The following MARCHF3 variants were observed in gnomAD, a reference collection of about 807,000 sequenced individuals.
MARCHF3 encodes the protein E3 ubiquitin-protein ligase MARCHF3.
MARCHF3 carries 13 observed loss-of-function variants against 24.2 expected under a neutral mutation model. That is an observed-to-expected ratio of 0.54 (90% CI 0.35 to 0.85). The LOEUF (loss-of-function observed/expected upper bound fraction) is 0.85. MARCHF3 is among the 40% of genes least tolerant of loss of function. The pLI, the probability that MARCHF3 is intolerant of heterozygous loss-of-function variation, is 0.01. For missense variants in MARCHF3, 276 were observed against 325.0 expected (o/e 0.85, Z 1.16); for synonymous variants, 144 against 137.3 (o/e 1.05, Z -0.34).
chr5:126,976,515 G>A (rs1472117043), intron 1 of MARCHF3, among the ~76,000 whole-genome samples: 14 of 151,268 alleles, frequency 9.3e-5, no homozygotes, highest in Admixed American at 9.2e-4. Context: ...CTCAGCCCCT[G>A]TGTGGTTTCC....
intron 1 of MARCHF3, among the ~76,000 whole-genome samples, chr5:126,927,506 G>A (rs1298042792): frequency 1.3e-5 from 2 of 152,220 alleles, no homozygotes; most frequent in Admixed American, 6.5e-5. Context: ...GCTGGGACCT[G>A]CCTGCCTGTA....
chr5:126,994,506 A>G (rs1370597396), intron 1 of MARCHF3, among the ~76,000 whole-genome samples: 1 of 152,206 alleles, frequency 6.6e-6, no homozygotes, highest in Non-Finnish European at 1.5e-5. Flanking sequence ...ATTTTACGGC[A>G]TGTCAGTTCT....
chr5:127,000,792 G>A (rs1351908200), intron 1 of MARCHF3, among the ~76,000 whole-genome samples: 5 of 151,830 alleles, frequency 3.3e-5, no homozygotes, highest in African/African-American at 7.3e-5. Context: ...TCCACCTCCC[G>A]AGTAGCTGGG....
At chr5:127,014,748 A>G (rs981673922) in intron 1 of MARCHF3, among the ~76,000 whole-genome samples, 2 of 152,154 alleles carry the variant, frequency 1.3e-5, no homozygotes, top group Admixed American at 6.6e-5. Context: ...AACAGAAGCT[A>G]AAACACTTGA....
intron 1 of MARCHF3, among the ~76,000 whole-genome samples, chr5:126,982,640 A>G (rs1484789041): frequency 6.6e-6 from 1 of 152,226 alleles, no homozygotes; most frequent in East Asian, 1.9e-4. Context: ...CTTTCACATC[A>G]GAAGACCTGG....
chr5:126,918,382 GCACA>G (rs112284753), intron 1 of MARCHF3, among the ~76,000 whole-genome samples, 155 bp from the exon 2 acceptor site: 50 of 149,524 alleles, frequency 3.3e-4, no homozygotes, highest in African/African-American at 1.0e-3. Flanking sequence ...TAATACAAGT[GCACA>G]CACACACACA....
At position 126,870,005 on chromosome 5, in the gene MARCHF3, G is replaced by A. The variant is rs1752911356; in HGVS notation, c.*628C>T. On this transcript the variant is annotated 3_prime_UTR_variant, in exon 5 of 5. Transcript: ENST00000308660. ...TAAACAGCTCACTGTGTGAGCTCAC[G>A]CCCTTTTTCCCTTTAAAAACTGAAT... is the stretch of plus-strand genomic sequence containing the variant. 3 of 152,250 alleles carry A rather than the reference G, an allele frequency of 2.0e-5. No individual in the cohort carries two copies. The highest frequency in any genetic ancestry group is 2.1e-4 in the South Asian group (1 of 4,818). The allele number at this position is 152,250 out of a possible 1,614,324, so 9.4% of individuals were successfully genotyped here. A position where few individuals can be genotyped will look rare whatever the true frequency, so the allele number is the denominator to read the frequency against.
chr5:126,910,857 T>C (rs1369451196), intron 3 of MARCHF3, among the ~76,000 whole-genome samples: 1 of 152,218 alleles, frequency 6.6e-6, no homozygotes, highest in Non-Finnish European at 1.5e-5. Context: ...CAGAGCCATA[T>C]TTCTCTTCTT....
chr5:126,870,587 C>A lies in MARCHF3; in HGVS notation c.*46G>T, dbSNP rs1196890043. On this transcript the variant is annotated 3_prime_UTR_variant, in exon 5 of 5. Coordinates refer to ENST00000308660, the MANE Select transcript of MARCHF3 (RefSeq NM_178450.5). ...GTGCATGACCCCAGTGCAGACACTT[C>A]CAAACCCCAAACAATGAATCAAACA... is the stretch of plus-strand genomic sequence containing the variant. The A allele has an allele frequency of 2.5e-6, 4 of 1,599,382 alleles. No individual in the cohort carries two copies. The highest frequency in any genetic ancestry group is 2.6e-6 in the Non-Finnish European group (3 of 1,169,726).
At chr5:126,946,737 G>A (rs1750023212) in intron 1 of MARCHF3, among the ~76,000 whole-genome samples, 1 of 143,722 alleles carries the variant, frequency 7.0e-6, no homozygotes, top group Non-Finnish European at 1.5e-5. Flanking sequence ...AGGTCAGAGA[G>A]GGAGAGGGAC....
At chr5:126,979,480 G>C (rs995670381) in intron 1 of MARCHF3, among the ~76,000 whole-genome samples, 4 of 152,192 alleles carry the variant, frequency 2.6e-5, no homozygotes, top group Admixed American at 6.5e-5. Flanking sequence ...TATAAATCTT[G>C]TTAAGGGAAT....
At chr5:126,881,525 T>G (rs759746312) in intron 3 of MARCHF3, among the ~76,000 whole-genome samples, 2 of 152,228 alleles carry the variant, frequency 1.3e-5, no homozygotes, top group African/African-American at 2.4e-5. Flanking sequence ...AATATGGAAT[T>G]GTCTAAATAA....
intron 1 of MARCHF3, among the ~76,000 whole-genome samples, chr5:127,019,566 G>A (rs988694116): frequency 3.9e-5 from 6 of 152,310 alleles, no homozygotes; most frequent in Admixed American, 1.3e-4. Context: ...GCTATGTGCT[G>A]TAGATATTGT....
chr5:126,927,892 T>C (rs1344304206), intron 1 of MARCHF3, among the ~76,000 whole-genome samples: 2 of 152,228 alleles, frequency 1.3e-5, no homozygotes, highest in Non-Finnish European at 2.9e-5. Flanking sequence ...AACAACTTTA[T>C]ATTGAGACTG....
intron 4 of MARCHF3, 103 bp from the exon 5 acceptor site, chr5:126,870,894 T>G (rs1327443812): frequency 1.2e-5 from 17 of 1,471,064 alleles, no homozygotes; most frequent in Admixed American, 4.1e-5. Flanking sequence ...TTCAAAGAGC[T>G]GGAAGCACTA....
At position 127,006,102 on chromosome 5, in the gene MARCHF3, T is replaced by C. The variant is rs528495020; in HGVS notation, c.-57+24248A>G. Among the ~76,000 whole-genome samples the C allele has an allele frequency of 2.8e-3, 425 of 151,546 alleles. 4 individuals carry two copies. The highest frequency in any genetic ancestry group is 3.7e-3 in the Non-Finnish European group (251 of 67,886). ...CTTGTAATCCCAGCTACTCGGGATG[T>C]TGAGGTATGAGAATCACTTGAACCT... is the stretch of plus-strand genomic sequence containing the variant. On this transcript the variant is annotated intron_variant, in intron 1 of 4. Transcript: ENST00000308660.
chr5:126,895,441 T>C (rs1376894804), intron 3 of MARCHF3, among the ~76,000 whole-genome samples: 7 of 152,118 alleles, frequency 4.6e-5, no homozygotes, highest in African/African-American at 1.4e-4. Flanking sequence ...ATCTTTGTGG[T>C]TTTATCTACT....
At chr5:126,993,862 C>A (rs565488385) in intron 1 of MARCHF3, among the ~76,000 whole-genome samples, 6 of 152,186 alleles carry the variant, frequency 3.9e-5, no homozygotes, top group African/African-American at 1.4e-4. Flanking sequence ...AAATAATATA[C>A]AATGGTATAG....
chr5:126,976,892 C>T (rs539521922), intron 1 of MARCHF3, among the ~76,000 whole-genome samples: 1 of 152,368 alleles, frequency 6.6e-6, no homozygotes, highest in East Asian at 1.9e-4. Context: ...ATCTGGTTTA[C>T]ATCCACCGAT....
Sources: gnomAD v4.1 joint callset for allele counts (sites outside exome capture counted in the v4.1 genomes callset) on GRCh38, gnomAD v4.1.1 for gene constraint, MANE v1.5 for transcripts, NCBI Gene and HGNC (gene_info 2026-07-23, HGNC 2026-07-21) for gene names.